NCOA2: variants seen among roughly 807,000 people sequenced by gnomAD.
The protein encoded by NCOA2 is nuclear receptor coactivator 2.
Under a neutral mutation model 145.1 loss-of-function variants are expected in NCOA2, and 21 were observed. The observed-to-expected ratio is 0.14, with a 90% CI of 0.10 to 0.21. The LOEUF (loss-of-function observed/expected upper bound fraction) is 0.21, where lower values mean the gene tolerates loss of function less well. Ranked by LOEUF, NCOA2 falls within the 10% of genes least tolerant of loss-of-function variation. The pLI, the probability that NCOA2 is intolerant of heterozygous loss-of-function variation, is 1.00. For missense variants in NCOA2, 1,472 were observed against 1,837.6 expected, an observed-to-expected ratio of 0.80 and a Z score of 3.64; for synonymous variants, 619 against 637.5, an observed-to-expected ratio of 0.97 and a Z score of 0.44.
chr8:70,357,668 G>C (rs909075708), intron 1 of NCOA2, among the ~76,000 whole-genome samples: 1 of 152,096 alleles, frequency 6.6e-6, no homozygotes, highest in Admixed American at 6.5e-5. Flanking sequence ...GTGAACCTGG[G>C]AGGCGGAGCT....
intron 6 of NCOA2, among the ~76,000 whole-genome samples, chr8:70,169,441 CATTTT>C (rs1401263995): frequency 6.6e-6 from 1 of 152,200 alleles, no homozygotes; most frequent in Non-Finnish European, 1.5e-5. Flanking sequence ...TGTTCCTTAA[CATTTT>C]ATTTTTAGAA....
chr8:70,134,769 CTTTTTTAA>C (rs1809535358), intron 15 of NCOA2, among the ~76,000 whole-genome samples: 1 of 152,082 alleles, frequency 6.6e-6, no homozygotes, highest in Non-Finnish European at 1.5e-5. Flanking sequence ...ACATGCTTTT[CTTTTTTAA>C]TTTAAAAAAC....
At chr8:70,178,953 C>A (rs1162606574) in intron 4 of NCOA2, among the ~76,000 whole-genome samples, 1 of 152,106 alleles carries the variant, frequency 6.6e-6, no homozygotes, top group Non-Finnish European at 1.5e-5. Context: ...TTCACAAGAT[C>A]AATCTAAACT....
intron 1 of NCOA2, among the ~76,000 whole-genome samples, chr8:70,305,375 C>T (rs554519526): frequency 1.3e-5 from 2 of 152,058 alleles, no homozygotes; most frequent in African/African-American, 4.8e-5. Flanking sequence ...ACAACATGAC[C>T]GCATTAAGAT....
intron 5 of NCOA2, among the ~76,000 whole-genome samples, chr8:70,172,903 C>T (rs1814413175): frequency 6.6e-6 from 1 of 152,022 alleles, no homozygotes; most frequent in Admixed American, 6.6e-5. Flanking sequence ...AAAAAGCTGA[C>T]ATTTGGTTTT....
At chr8:70,432,704 C>T in the NCOA2 span, among the ~76,000 whole-genome samples, 5 of 151,818 alleles carry the variant, frequency 3.3e-5, no homozygotes, top group African/African-American at 1.2e-4. Context: ...AAGTAAAATC[C>T]TAGGGTTCAC....
intron 2 of NCOA2, among the ~76,000 whole-genome samples, chr8:70,251,456 G>A (rs1823169282): frequency 6.6e-6 from 1 of 152,150 alleles, no homozygotes; most frequent in Non-Finnish European, 1.5e-5. Flanking sequence ...GGATTTCAGA[G>A]GCTTGAAATG....
intron 2 of NCOA2, among the ~76,000 whole-genome samples, chr8:70,287,165 G>C (rs1310150368): frequency 6.6e-6 from 1 of 152,108 alleles, no homozygotes; most frequent in Non-Finnish European, 1.5e-5. Context: ...GATCAATCTA[G>C]CTCGGGAGGT....
intron 1 of NCOA2, among the ~76,000 whole-genome samples, chr8:70,368,013 G>A (rs918380836): frequency 1.2e-4 from 18 of 152,282 alleles, no homozygotes; most frequent in Admixed American, 5.2e-4. Flanking sequence ...ATAAGATGCA[G>A]GCCTCTGCTC....
intron 10 of NCOA2, among the ~76,000 whole-genome samples, chr8:70,159,242 A>ATATATATAT: frequency 0.018 from 1,128 of 61,024 alleles, 51 homozygotes; most frequent in African/African-American, 0.049. Flanking sequence ...ATATATATAT[A>ATATATATAT]TTTTTTTTTT....
At chr8:70,117,655 C>A (rs1226692016) in intron 22 of NCOA2, among the ~76,000 whole-genome samples, 1 of 152,200 alleles carries the variant, frequency 6.6e-6, no homozygotes, top group Non-Finnish European at 1.5e-5. Flanking sequence ...TCAGTGTTCC[C>A]TTTAGGGAAG....
At chr8:70,243,427 G>A (rs951313246) in intron 2 of NCOA2, among the ~76,000 whole-genome samples, 4 of 151,924 alleles carry the variant, frequency 2.6e-5, no homozygotes, top group South Asian at 2.1e-4. Context: ...GGATTCCAAC[G>A]CCAGTTATAA....
At chr8:70,425,925 A>G in the NCOA2 span, among the ~76,000 whole-genome samples, 2 of 152,136 alleles carry the variant, frequency 1.3e-5, no homozygotes, top group Non-Finnish European at 2.9e-5. Flanking sequence ...CTTCCAAGCA[A>G]CAGGCCTAAG....
At chr8:70,328,873 C>T (rs981477640) in intron 1 of NCOA2, among the ~76,000 whole-genome samples, 7 of 152,140 alleles carry the variant, frequency 4.6e-5, no homozygotes, top group African/African-American at 1.7e-4. Context: ...AGAATATAAA[C>T]TGATACAACC....
At chr8:70,330,585 C>T (rs1807008171) in intron 1 of NCOA2, among the ~76,000 whole-genome samples, 1 of 150,462 alleles carries the variant, frequency 6.6e-6, no homozygotes, top group Admixed American at 6.6e-5. Context: ...AAAAAAAACC[C>T]CAAAAAACAA....
In NCOA2 at chr8:70,131,813, C is replaced by T. The variant is rs1809147321; in HGVS notation, c.3324+24G>A. On this transcript the variant is annotated intron_variant, in intron 16 of 22. Transcript: ENST00000452400. ...TGCGCCCATGAGAGCGCTTGGCCCC[C>T]ACCTGCTGCCCTTCCGCGCATACCT... is the stretch of plus-strand genomic sequence containing the variant. 3.2e-6 allele frequency: 5 copies of T among 1,569,056 alleles called. No individual in the cohort carries two copies. In the African/African-American group the frequency reaches 4.1e-5, roughly 13 times the overall value.
At chr8:70,284,155 G>T (rs1297870707) in intron 2 of NCOA2, among the ~76,000 whole-genome samples, 12 of 152,094 alleles carry the variant, frequency 7.9e-5, no homozygotes, top group Admixed American at 6.5e-4. Flanking sequence ...CATCTGCTGG[G>T]GTCCACAGGT....
At chr8:70,209,819 T>G (rs1257893889) in intron 4 of NCOA2, among the ~76,000 whole-genome samples, 1 of 152,252 alleles carries the variant, frequency 6.6e-6, no homozygotes, top group Non-Finnish European at 1.5e-5. Context: ...AAAAAATTCA[T>G]GTCACTTGCT....
intron 21 of NCOA2, chr8:70,123,680 A>G: frequency 2.4e-6 from 1 of 424,032 alleles, no homozygotes; most frequent in East Asian, 3.5e-5. Flanking sequence ...CTCCTCAAGC[A>G]GTCAGGAATC....
Sources: allele counts gnomAD v4.1 joint callset (sites outside exome capture counted in the v4.1 genomes callset), GRCh38; gene constraint gnomAD v4.1.1; transcripts MANE v1.5; gene names NCBI Gene and HGNC (gene_info 2026-07-23, HGNC 2026-07-21).